RPS6KC1: variants seen among roughly 807,000 people sequenced by gnomAD.
RPS6KC1 encodes ribosomal protein S6 kinase C1.
In RPS6KC1, 54 loss-of-function variants were observed where a neutral mutation model predicts 103.8. That is an observed-to-expected ratio of 0.52 (90% CI 0.42 to 0.65). The LOEUF is 0.65. Among genes scored for constraint, RPS6KC1 ranks in the 30% least tolerant of loss-of-function variants. The pLI, the probability that RPS6KC1 is intolerant of heterozygous loss-of-function variation, is 0.00. For missense variants in RPS6KC1, 1,151 were observed against 1,253.8 expected, an observed-to-expected ratio of 0.92 and a Z score of 1.24; for synonymous variants, 439 against 438.7, an observed-to-expected ratio of 1.00 and a Z score of -0.01.
At position 213,088,369 on chromosome 1, in the gene RPS6KC1, ATT is replaced by A. The variant is rs1031983337; in HGVS notation, c.262+10564_262+10565del. The stretch of plus-strand genomic sequence containing the variant: ...TGTTACTCCACTCTCATGGCTAATA[ATT>A]TTTTTTTTTTGAGATGGAGTCTTGC... On this transcript the variant is annotated intron_variant, in intron 3 of 14. Coordinates refer to ENST00000366960, the MANE Select transcript of RPS6KC1 (RefSeq NM_012424.6). Among the ~76,000 whole-genome samples the A allele has an allele frequency of 2.1e-5, 3 of 145,842 alleles. No individual in the cohort carries two copies. In the East Asian group the frequency reaches 6.0e-4, roughly 29 times the overall value.
At chr1:213,359,982 C>T in the RPS6KC1 span, among the ~76,000 whole-genome samples, 5 of 152,192 alleles carry the variant, frequency 3.3e-5, no homozygotes, top group East Asian at 7.7e-4. Context: ...CTCTGGCTGC[C>T]CTTAACATTT....
chr1:213,426,189 C>G, the RPS6KC1 span, among the ~76,000 whole-genome samples: 102 of 152,290 alleles, frequency 6.7e-4, 1 homozygote, highest in Middle Eastern at 3.4e-3. Flanking sequence ...ACCTCTCCAA[C>G]TGGCTGTGGT....
the RPS6KC1 span, among the ~76,000 whole-genome samples, chr1:213,647,131 G>A: frequency 6.6e-6 from 1 of 151,838 alleles, no homozygotes; most frequent in African/African-American, 2.4e-5. Flanking sequence ...GGATGGTCTC[G>A]AACTCCTGAC....
At chr1:213,427,518 C>G in the RPS6KC1 span, among the ~76,000 whole-genome samples, 1 of 152,186 alleles carries the variant, frequency 6.6e-6, no homozygotes, top group Non-Finnish European at 1.5e-5. Flanking sequence ...GCTAATGTCA[C>G]TAAAACTTTA....
In RPS6KC1 at chr1:213,129,874, C is replaced by T. The variant is rs1335566341; in HGVS notation, c.820C>T (p.Leu274=). The T allele has an allele frequency of 1.9e-6, 3 of 1,600,512 alleles. No homozygotes were observed. The highest frequency in any genetic ancestry group is 2.2e-5 in the East Asian group (1 of 44,832). The change falls in exon 6 of 15, where the codon CTA becomes TTA. Residue 274 remains leucine (L), a synonymous_variant. Transcript: ENST00000366960. ...DFYRKGVDLL[L]EGVQGESSPT... ...TTATAGGAAGGGAGTTGATTTACTC[C>T]TAGAAGGTGTTCAAGGTATGGTTTT...
intron 6 of RPS6KC1, among the ~76,000 whole-genome samples, chr1:213,166,804 C>T (rs571897141): frequency 4.6e-5 from 7 of 152,178 alleles, no homozygotes; most frequent in Admixed American, 2.0e-4. Flanking sequence ...AATCCAAATT[C>T]GGACTACCTC....
At chr1:213,664,200 C>CGG in the RPS6KC1 span, among the ~76,000 whole-genome samples, 3 of 27,810 alleles carry the variant, frequency 1.1e-4, no homozygotes, top group African/African-American at 3.9e-4. Flanking sequence ...AGCGGGGGGG[C>CGG]GGGGTGGGGA....
chr1:213,823,051 T>A, the RPS6KC1 span, among the ~76,000 whole-genome samples: 1 of 152,090 alleles, frequency 6.6e-6, no homozygotes, highest in Non-Finnish European at 1.5e-5. Flanking sequence ...CCTGCCCGTG[T>A]CTCTAATATT....
chr1:213,531,364 C>T, the RPS6KC1 span, among the ~76,000 whole-genome samples: 2 of 152,176 alleles, frequency 1.3e-5, no homozygotes, highest in Non-Finnish European at 2.9e-5. Context: ...GGAGAGGAAA[C>T]TTTAATGTGA....
At chr1:213,098,258 G>C (rs1390727491) in intron 3 of RPS6KC1, among the ~76,000 whole-genome samples, 3 of 151,666 alleles carry the variant, frequency 2.0e-5, no homozygotes, top group African/African-American at 7.3e-5. Context: ...TGGGACTACA[G>C]GGGACTACAG....
At chr1:213,214,870 C>T (rs1405689737) in intron 8 of RPS6KC1, among the ~76,000 whole-genome samples, 2 of 152,132 alleles carry the variant, frequency 1.3e-5, no homozygotes, top group African/African-American at 4.8e-5. Context: ...ACCAAAACCC[C>T]ATCTGTACAT....
chr1:213,725,980 G>C, the RPS6KC1 span, among the ~76,000 whole-genome samples: 11 of 151,890 alleles, frequency 7.2e-5, no homozygotes, highest in African/African-American at 2.7e-4. Flanking sequence ...TCATGATATT[G>C]CTTTTCGTGT....
chr1:213,590,983 C>G, the RPS6KC1 span, among the ~76,000 whole-genome samples: 1 of 152,128 alleles, frequency 6.6e-6, no homozygotes, highest in East Asian at 1.9e-4. Flanking sequence ...CAGCTAGTCT[C>G]GGGACCATAA....
At chr1:213,131,708 T>G (rs918264560) in intron 6 of RPS6KC1, among the ~76,000 whole-genome samples, 6 of 152,246 alleles carry the variant, frequency 3.9e-5, no homozygotes, top group Non-Finnish European at 8.8e-5. Context: ...CCTCCCACAG[T>G]GCTGGGATTA....
chr1:213,542,866 C>T, the RPS6KC1 span, among the ~76,000 whole-genome samples: 1 of 152,208 alleles, frequency 6.6e-6, no homozygotes, highest in African/African-American at 2.4e-5. Context: ...AGGTAATTCA[C>T]TGGAAAGATA....
the RPS6KC1 span, among the ~76,000 whole-genome samples, chr1:213,733,547 TG>T: frequency 0.022 from 2,792 of 124,130 alleles, 116 homozygotes; most frequent in African/African-American, 0.075. Context: ...ATTTTTAGTT[TG>T]TTTTTTTTTT....
At chr1:213,617,634 G>T in the RPS6KC1 span, among the ~76,000 whole-genome samples, 1 of 152,196 alleles carries the variant, frequency 6.6e-6, no homozygotes, top group Non-Finnish European at 1.5e-5. Context: ...ATGTTGAGTA[G>T]AAAATGCACA....
At chr1:213,728,944 T>G in the RPS6KC1 span, among the ~76,000 whole-genome samples, 2 of 100,730 alleles carry the variant, frequency 2.0e-5, no homozygotes, top group Non-Finnish European at 3.8e-5. Flanking sequence ...AGGGTTTTTT[T>G]TTTGTTTTTT....
intron 6 of RPS6KC1, among the ~76,000 whole-genome samples, chr1:213,151,358 C>T (rs2088851530): frequency 7.4e-6 from 1 of 135,136 alleles, no homozygotes; most frequent in Non-Finnish European, 1.6e-5. Context: ...AACCCCCCCA[C>T]CTCCCTCCCG....
Sources: gnomAD v4.1 joint callset for allele counts (sites outside exome capture counted in the v4.1 genomes callset) on GRCh38, gnomAD v4.1.1 for gene constraint, MANE v1.5 for transcripts, NCBI Gene and HGNC (gene_info 2026-07-23, HGNC 2026-07-21) for gene names.